Variants in PKP2 observed in about 807,000 individuals in gnomAD.
PKP2 encodes the protein plakophilin-2.
A neutral mutation model predicts 83.4 loss-of-function variants in PKP2; 73 were observed. The observed-to-expected ratio is 0.88, with a 90% CI of 0.72 to 1.06. The LOEUF (loss-of-function observed/expected upper bound fraction) is 1.06. Ranked by LOEUF, PKP2 falls within the 50% of genes least tolerant of loss-of-function variation. The probability of loss-of-function intolerance (pLI) is 0.00; values close to 1 mark genes in which losing one functional copy is unlikely to be tolerated. For synonymous variants in PKP2, 409 were observed against 430.4 expected (o/e 0.95, Z 0.62); for missense variants, 966 against 1,065.4 (o/e 0.91, Z 1.30).
chr12:32,826,281 G>A (rs1243060232), intron 6 of PKP2, among the ~76,000 whole-genome samples: 2 of 146,886 alleles, frequency 1.4e-5, no homozygotes, highest in East Asian at 3.9e-4. Flanking sequence ...ACTCCAGCCC[G>A]GGTGACAAAG....
chr12:32,855,318 C>T (rs993707147), intron 4 of PKP2, among the ~76,000 whole-genome samples: 3 of 152,144 alleles, frequency 2.0e-5, no homozygotes, highest in African/African-American at 7.2e-5. Flanking sequence ...ATTAGCCATA[C>T]AGTTCCCTCA....
intron 4 of PKP2, among the ~76,000 whole-genome samples, chr12:32,863,928 A>G (rs944909479): frequency 1.3e-5 from 2 of 152,240 alleles, no homozygotes; most frequent in African/African-American, 4.8e-5. Context: ...TAGCAAATCT[A>G]GTCATAAAAC....
rs756784820 is a variant in PKP2 at position 32,841,117 on chromosome 12, G to C, written c.1467C>G (p.Ile489Met). 2 of 1,613,120 alleles carry C rather than the reference G, an allele frequency of 1.2e-6. No individual in the cohort carries two copies. The highest frequency in any genetic ancestry group is 3.3e-5 in the Admixed American group (2 of 60,016). ...ALLTLTENIIIPFSGWPEGDY... is the reference protein window; with the variant it reads ...ALLTLTENIIMPFSGWPEGDY... ...CTCCTTCAGGCCACCCAGAAAAGGG[G>C]ATGATGATATTCTCCGTCAGCGTAA... The change falls in exon 6 of 13, where the codon ATC (isoleucine) becomes ATG (methionine). Residue 489 changes from isoleucine (I) to methionine (M), a missense_variant. Coordinates refer to ENST00000340811, the MANE Select transcript of PKP2 (RefSeq NM_001005242.3).
At chr12:32,867,766 G>GTGTT (rs1264440584) in intron 4 of PKP2, among the ~76,000 whole-genome samples, 1 of 152,208 alleles carries the variant, frequency 6.6e-6, no homozygotes, top group Non-Finnish European at 1.5e-5. Flanking sequence ...ATTGATATAT[G>GTGTT]TGTTTGTGTG....
chr12:32,836,739 T>G (rs971381712), intron 6 of PKP2, among the ~76,000 whole-genome samples: 2 of 152,228 alleles, frequency 1.3e-5, no homozygotes, highest in African/African-American at 4.8e-5. Flanking sequence ...ACATTCATGA[T>G]TTTTAAAAAT....
intron 9 of PKP2, among the ~76,000 whole-genome samples, chr12:32,805,018 C>G (rs1389768501): frequency 1.3e-5 from 2 of 152,188 alleles, no homozygotes; most frequent in African/African-American, 2.4e-5. Flanking sequence ...GATGGTATCT[C>G]ACTGTGGTTT....
At chr12:32,892,095 G>A (rs1957078880) in intron 1 of PKP2, among the ~76,000 whole-genome samples, 1 of 151,826 alleles carries the variant, frequency 6.6e-6, no homozygotes, top group South Asian at 2.1e-4. Context: ...CCTGCCACCC[G>A]CCATCTCACT....
chr12:32,864,908 C>T (rs1233234037), intron 4 of PKP2, among the ~76,000 whole-genome samples: 3 of 152,086 alleles, frequency 2.0e-5, no homozygotes, highest in East Asian at 3.8e-4. Context: ...GAGAAGTTGG[C>T]CCCTTTCTGG....
chr12:32,819,624 A>C (rs1355554777), intron 9 of PKP2, among the ~76,000 whole-genome samples: 3 of 152,212 alleles, frequency 2.0e-5, no homozygotes, highest in African/African-American at 7.2e-5. Context: ...CTACACCATA[A>C]CTGCTAGTGT....
At chr12:32,886,879 G>T (rs1957035182) in intron 1 of PKP2, among the ~76,000 whole-genome samples, 1 of 151,886 alleles carries the variant, frequency 6.6e-6, no homozygotes, top group Non-Finnish European at 1.5e-5. Context: ...TGGGCCTGTA[G>T]TCCCAGCTAC....
At chr12:32,802,635 G>A (rs1409027851) in intron 9 of PKP2, 79 bp from the exon 10 acceptor site, 2 of 1,184,170 alleles carry the variant, frequency 1.7e-6, no homozygotes, top group Non-Finnish European at 2.5e-6. Context: ...GATTACCAGA[G>A]GTTGATGAAG....
At chr12:32,843,694 GT>G (rs1403650694) in intron 5 of PKP2, among the ~76,000 whole-genome samples, 1 of 152,148 alleles carries the variant, frequency 6.6e-6, no homozygotes, top group Non-Finnish European at 1.5e-5. Flanking sequence ...AGCATTTGGG[GT>G]TAAGGAGCAG....
In PKP2 at chr12:32,845,679, A is replaced by G. The variant is rs1956638098; in HGVS notation, c.1379-4474T>C. Among the ~76,000 whole-genome samples the G allele has an allele frequency of 2.0e-5, 3 of 152,208 alleles. No homozygotes were observed. In the South Asian group the frequency reaches 6.2e-4, roughly 31 times the overall value. On this transcript the variant is annotated intron_variant, in intron 5 of 12. Transcript: ENST00000340811. ...AAGTTTTATGATTAAATAAATCCCT[A>G]TCTTCAGTGAAAAAGAATGAGGAGG...
At chr12:32,838,181 T>C (rs1956559770) in intron 6 of PKP2, among the ~76,000 whole-genome samples, 1 of 152,088 alleles carries the variant, frequency 6.6e-6, no homozygotes, top group Non-Finnish European at 1.5e-5. Context: ...GGCAGCAACA[T>C]GGATGCAGCT....
chr12:32,848,946 T>A (rs1396446800), intron 5 of PKP2, among the ~76,000 whole-genome samples: 2 of 150,542 alleles, frequency 1.3e-5, no homozygotes, highest in African/African-American at 4.9e-5. Flanking sequence ...TTTAAAACAA[T>A]ATTTGTGGAG....
intron 7 of PKP2, 151 bp from the exon 8 acceptor site, chr12:32,822,782 T>C: frequency 2.6e-6 from 2 of 769,708 alleles, no homozygotes; most frequent in South Asian, 3.0e-5. Context: ...ATGCAATGAG[T>C]ATGGCTAGAA....
chr12:32,876,820 G>T (rs1310780278), intron 3 of PKP2, among the ~76,000 whole-genome samples: 2 of 152,180 alleles, frequency 1.3e-5, no homozygotes, highest in Admixed American at 6.5e-5. Flanking sequence ...CTGGGCCACT[G>T]CTCCCGGCTT....
At chr12:32,803,073 TA>T (rs1956196792) in intron 9 of PKP2, among the ~76,000 whole-genome samples, 1 of 152,100 alleles carries the variant, frequency 6.6e-6, no homozygotes, top group Non-Finnish European at 1.5e-5. Flanking sequence ...TCAGTACTTT[TA>T]AATGCAATCT....
intron 6 of PKP2, among the ~76,000 whole-genome samples, chr12:32,827,798 A>G (rs977571758): frequency 2.0e-5 from 3 of 151,952 alleles, no homozygotes; most frequent in African/African-American, 4.9e-5. Context: ...TACCAATAGA[A>G]TATATTAAAA....
Sources: allele counts gnomAD v4.1 joint callset (sites outside exome capture counted in the v4.1 genomes callset), GRCh38; gene constraint gnomAD v4.1.1; transcripts MANE v1.5; gene names NCBI Gene and HGNC (gene_info 2026-07-23, HGNC 2026-07-21).